ZFYVE9: variants seen among roughly 807,000 people sequenced by gnomAD.
ZFYVE9 encodes the protein zinc finger FYVE domain-containing protein 9.
Under a neutral mutation model 126.7 loss-of-function variants are expected in ZFYVE9, and 43 were observed. The ratio of observed to expected loss-of-function variants is 0.34; its 90% CI spans 0.27 to 0.44. The LOEUF (loss-of-function observed/expected upper bound fraction) is 0.44. ZFYVE9 is among the 20% of genes least tolerant of loss of function. The pLI, the probability that ZFYVE9 is intolerant of heterozygous loss-of-function variation, is 1.00. For missense variants in ZFYVE9, 1,476 were observed against 1,697.0 expected, an observed-to-expected ratio of 0.87 and a Z score of 2.29; for synonymous variants, 521 against 597.4, an observed-to-expected ratio of 0.87 and a Z score of 1.87.
chr1:52,312,460 C>A (rs917763972), intron 13 of ZFYVE9, among the ~76,000 whole-genome samples: 1 of 152,096 alleles, frequency 6.6e-6, no homozygotes, highest in Admixed American at 6.5e-5. Flanking sequence ...CAGTGTCAGG[C>A]GTTTGTTACC....
At chr1:52,268,771 A>G (rs1645659243) in intron 7 of ZFYVE9, 139 bp downstream of exon 7, 3 of 1,017,182 alleles carry the variant, frequency 2.9e-6, no homozygotes, top group Non-Finnish European at 4.1e-6. Context: ...TGGATAAAGT[A>G]AATGTGGCAA....
chr1:52,251,024 T>C (rs2124646431), intron 4 of ZFYVE9, among the ~76,000 whole-genome samples: 1 of 138,254 alleles, frequency 7.2e-6, no homozygotes, highest in African/African-American at 3.0e-5. Flanking sequence ...TTTTCAGTCG[T>C]TTTTGTTGTT....
At chr1:52,245,537 A>T (rs1373944567) in intron 4 of ZFYVE9, among the ~76,000 whole-genome samples, 2 of 152,218 alleles carry the variant, frequency 1.3e-5, no homozygotes, top group East Asian at 3.8e-4. Context: ...AGCTACTGTT[A>T]AAATCCACAT....
chr1:52,255,944 TTTTCTTTTCTTTTCTTTTCTTTTCTTTC>T (rs1377057678), intron 4 of ZFYVE9, among the ~76,000 whole-genome samples: 2 of 124,430 alleles, frequency 1.6e-5, no homozygotes, highest in Admixed American at 1.6e-4. Context: ...TTTTCTTTTC[TTTTCTTTTCTTTTCTTTTCTTTTCTTTC>T]TTTCTTTCTT....
chr1:52,245,261 GA>G (rs913087182), intron 4 of ZFYVE9, among the ~76,000 whole-genome samples: 149 of 135,486 alleles, frequency 1.1e-3, no homozygotes, highest in Middle Eastern at 0.011. Context: ...GAAGCAAAAA[GA>G]AAAAAAAAAA....
chr1:52,250,103 G>A (rs1014964621), intron 4 of ZFYVE9, among the ~76,000 whole-genome samples: 2 of 152,146 alleles, frequency 1.3e-5, no homozygotes, highest in Non-Finnish European at 2.9e-5. Flanking sequence ...TGGATCCCTT[G>A]AGATTCAATT....
At chr1:52,148,178 A>C (rs537318949) in intron 1 of ZFYVE9, among the ~76,000 whole-genome samples, 123 of 151,924 alleles carry the variant, frequency 8.1e-4, no homozygotes, top group African/African-American at 2.9e-3. Context: ...TTTTGGCCTG[A>C]GGATAAAAGT....
Position 52,238,349 on chromosome 1 carries a change from C to T in ZFYVE9, c.932C>T (p.Ser311Phe), listed in dbSNP as rs752839308. 11 of 1,613,590 alleles carry T rather than the reference C, an allele frequency of 6.8e-6. No homozygotes were observed. In the East Asian group the frequency reaches 2.5e-4, roughly 36 times the overall value. Residue 311 changes from serine to phenylalanine, a missense_variant, in exon 4 of 19, where the codon TCC (serine) becomes TTC (phenylalanine). Around this residue, in one of 2 missense-constraint regions of ZFYVE9, gnomAD observed 807 missense variants for 794.6 expected, o/e 1.02. Transcript: ENST00000287727. ...RTDLGSPNSF[S>F]HMSEGILMKK... is the part of the protein sequence containing the mutation. ...GATCTAGGGAGTCCAAATTCCTTTT[C>T]CCACATGAGTGAGGGGATTTTGATG...
At chr1:52,153,891 ATTC>A (rs919988667) in intron 1 of ZFYVE9, among the ~76,000 whole-genome samples, 3 of 152,302 alleles carry the variant, frequency 2.0e-5, no homozygotes, top group Middle Eastern at 3.4e-3. Context: ...AGACCCATGT[ATTC>A]TTCTTACTGG....
At chr1:52,295,247 T>C (rs925928768) in intron 11 of ZFYVE9, among the ~76,000 whole-genome samples, 2 of 151,534 alleles carry the variant, frequency 1.3e-5, no homozygotes, top group Non-Finnish European at 2.9e-5. Flanking sequence ...AAGTGAACTC[T>C]TAAACTTATT....
intron 1 of ZFYVE9, among the ~76,000 whole-genome samples, chr1:52,203,507 T>A (rs1180277280): frequency 6.6e-6 from 1 of 150,454 alleles, no homozygotes; most frequent in Non-Finnish European, 1.5e-5. Flanking sequence ...TTAAAAAAAT[T>A]TTTTTTTATT....
intron 1 of ZFYVE9, among the ~76,000 whole-genome samples, chr1:52,181,615 C>A (rs566464739): frequency 6.7e-6 from 1 of 150,068 alleles, no homozygotes; most frequent in Non-Finnish European, 1.5e-5. Flanking sequence ...TCTGCCCGCC[C>A]GCCATCCCAT....
At chr1:52,181,944 A>G (rs977139060) in intron 1 of ZFYVE9, among the ~76,000 whole-genome samples, 25 of 150,990 alleles carry the variant, frequency 1.7e-4, no homozygotes, top group African/African-American at 5.9e-4. Context: ...CCCGTCGGGG[A>G]GGGAGGTGGG....
At chr1:52,207,268 C>A (rs1413161383) in intron 1 of ZFYVE9, among the ~76,000 whole-genome samples, 1 of 152,238 alleles carries the variant, frequency 6.6e-6, no homozygotes, top group South Asian at 2.1e-4. Flanking sequence ...TAGTCCCAAT[C>A]GCAGATCAGT....
At chr1:52,168,280 G>T (rs190959951) in intron 1 of ZFYVE9, among the ~76,000 whole-genome samples, 2 of 141,244 alleles carry the variant, frequency 1.4e-5, no homozygotes, top group African/African-American at 2.7e-5. Flanking sequence ...GCAATGGTGC[G>T]ATCTCAGCTT....
chr1:52,148,210 C>A (rs1644321820), intron 1 of ZFYVE9, among the ~76,000 whole-genome samples: 1 of 152,108 alleles, frequency 6.6e-6, no homozygotes, highest in Non-Finnish European at 1.5e-5. Flanking sequence ...CGCTGTGGCT[C>A]ACGCCTGTAA....
chr1:52,336,923 G>T (rs573261716), intron 15 of ZFYVE9, among the ~76,000 whole-genome samples: 2 of 134,086 alleles, frequency 1.5e-5, no homozygotes, highest in African/African-American at 5.7e-5. Flanking sequence ...TAGTCACTGC[G>T]CTCCAACCTG....
chr1:52,324,648 G>A (rs937715955), intron 13 of ZFYVE9, among the ~76,000 whole-genome samples: 1 of 152,130 alleles, frequency 6.6e-6, no homozygotes, highest in East Asian at 1.9e-4. Flanking sequence ...TCTGTAACAT[G>A]CACAGGATGA....
intron 13 of ZFYVE9, among the ~76,000 whole-genome samples, chr1:52,315,712 A>G (rs996981718): frequency 2.0e-5 from 3 of 152,236 alleles, no homozygotes; most frequent in Non-Finnish European, 4.4e-5. Context: ...AAGAGATGGG[A>G]CAAATAATAA....
Sources: gnomAD v4.1 joint callset for allele counts (sites outside exome capture counted in the v4.1 genomes callset) on GRCh38, gnomAD v4.1.1 for gene constraint, gnomAD v4.1.1 regional missense constraint, MANE v1.5 for transcripts, NCBI Gene and HGNC (gene_info 2026-07-23, HGNC 2026-07-21) for gene names.